FAXC: variants seen among roughly 807,000 people sequenced by gnomAD.
The protein encoded by FAXC is failed axon connections homolog.
A neutral mutation model predicts 41.9 loss-of-function variants in FAXC; 10 were observed. The observed-to-expected ratio is 0.24, with a 90% CI of 0.15 to 0.41. The LOEUF (loss-of-function observed/expected upper bound fraction) is 0.41. Ranked by LOEUF, FAXC falls within the 10% of genes least tolerant of loss-of-function variation. The pLI is 1.00. For synonymous variants in FAXC, 183 were observed against 183.8 expected (o/e 1.00, Z 0.03); for missense variants, 399 against 510.9 (o/e 0.78, Z 2.11).
chr6:99,295,989 T>C (rs140751982), intron 4 of FAXC, among the ~76,000 whole-genome samples: 1,984 of 152,254 alleles, frequency 0.013, 41 homozygotes, highest in African/African-American at 0.045. Context: ...TTCTTTGTAT[T>C]GATTAGAATT....
intron 1 of FAXC, among the ~76,000 whole-genome samples, chr6:99,344,916 T>C (rs1773541010): frequency 6.6e-6 from 1 of 152,240 alleles, no homozygotes; most frequent in Admixed American, 6.5e-5. Context: ...TGGAGGCTAA[T>C]TATCTACCAA....
intron 4 of FAXC, among the ~76,000 whole-genome samples, chr6:99,307,695 G>A (rs981648823): frequency 1.3e-5 from 2 of 152,068 alleles, no homozygotes; most frequent in African/African-American, 2.4e-5. Flanking sequence ...AGGAGAGGGC[G>A]GTTTAATGGA....
chr6:99,296,153 G>T (rs1351576158), intron 4 of FAXC, among the ~76,000 whole-genome samples: 4 of 151,906 alleles, frequency 2.6e-5, no homozygotes, highest in African/African-American at 9.7e-5. Flanking sequence ...TGGGAGCTTG[G>T]CAAAAAAAAC....
At chr6:99,339,271 C>T (rs1773330914) in intron 2 of FAXC, among the ~76,000 whole-genome samples, 1 of 152,192 alleles carries the variant, frequency 6.6e-6, no homozygotes, top group Non-Finnish European at 1.5e-5. Flanking sequence ...TAAAGGTGAA[C>T]CCCGGAGCTG....
chr6:99,289,689 A>G (rs12197081), intron 5 of FAXC, among the ~76,000 whole-genome samples: 9 of 146,590 alleles, frequency 6.1e-5, no homozygotes, highest in African/African-American at 1.0e-4. Context: ...ACATATGTAT[A>G]TGTGTGTGTG....
rs1282656125 is a variant in FAXC, at chr6:99,274,484, A to C, written c.*6680T>G. 2.0e-5 allele frequency: 3 copies of C among 152,138 alleles called. No homozygotes were observed. Among genetic ancestry groups the C allele is most frequent in the Non-Finnish European group, 4.4e-5 (3 of 68,030 alleles). 9.4% of individuals were successfully genotyped at this position (152,138 alleles called of 1,614,324 possible). On this transcript the variant is annotated 3_prime_UTR_variant, in exon 6 of 6. Coordinates refer to ENST00000389677, the MANE Select transcript of FAXC (RefSeq NM_032511.4). ...ACTCAGTTAAATTCTAATACCACCA[A>C]ATGAGGGACTCAGACCCTCAGTTTT...
At chr6:99,297,565 C>T (rs150646356) in intron 4 of FAXC, among the ~76,000 whole-genome samples, 3 of 152,222 alleles carry the variant, frequency 2.0e-5, no homozygotes, top group Non-Finnish European at 4.4e-5. Context: ...GGGTGCCATA[C>T]GCAGCATAAC....
Position 99,349,304 on chromosome 6 carries a change from G to A in FAXC, c.69C>T (p.Ile23=), listed in dbSNP as rs763389406. 8.1e-6 allele frequency: 13 copies of A among 1,613,236 alleles called. No individual in the cohort carries two copies. In the South Asian group the frequency reaches 1.3e-4, roughly 16 times the overall value. The change falls in exon 1 of 6, where the codon ATC becomes ATT. Residue 23 remains isoleucine, a synonymous_variant. Coordinates refer to ENST00000389677, the MANE Select transcript of FAXC (RefSeq NM_032511.4). ...CVVDLSWNQS[I]SFFGWWAGSE... is the part of the protein sequence containing the mutation. ...ACCCGGCCCACCAGCCGAAGAAGGAGATGCTCTGGTTCCAGCTCAGATCCA... is the reference window on the plus strand; with the variant it reads ...ACCCGGCCCACCAGCCGAAGAAGGAAATGCTCTGGTTCCAGCTCAGATCCA...
intron 5 of FAXC, among the ~76,000 whole-genome samples, chr6:99,282,714 T>A (rs1428451415): frequency 3.3e-5 from 5 of 151,984 alleles, no homozygotes; most frequent in Non-Finnish European, 4.4e-5. Context: ...TTATAGGACA[T>A]TATTACTCTA....
chr6:99,292,703 A>T (rs184243364), intron 4 of FAXC, among the ~76,000 whole-genome samples: 131 of 152,302 alleles, frequency 8.6e-4, no homozygotes, highest in African/African-American at 3.1e-3. Context: ...AAGAGTTTCT[A>T]TTTCTTTGGG....
chr6:99,324,170 A>G (rs532329502), intron 3 of FAXC, among the ~76,000 whole-genome samples: 1 of 150,842 alleles, frequency 6.6e-6, no homozygotes, highest in East Asian at 2.0e-4. Flanking sequence ...CTGTATATGC[A>G]TTTTACATTT....
At chr6:99,340,457 G>C (rs1252756425) in intron 2 of FAXC, among the ~76,000 whole-genome samples, 1 of 151,990 alleles carries the variant, frequency 6.6e-6, no homozygotes, top group Non-Finnish European at 1.5e-5. Context: ...TCAAATGTGA[G>C]AGTATAATAA....
intron 5 of FAXC, among the ~76,000 whole-genome samples, chr6:99,286,933 C>T (rs1562150054): frequency 1.3e-5 from 2 of 152,144 alleles, no homozygotes; most frequent in Admixed American, 6.6e-5. Flanking sequence ...ATTGTATAAT[C>T]TTTCTAGAAA....
intron 4 of FAXC, among the ~76,000 whole-genome samples, chr6:99,322,759 C>T (rs1772638627): frequency 6.6e-6 from 1 of 152,176 alleles, no homozygotes; most frequent in Non-Finnish European, 1.5e-5. Context: ...GCCCAGGCCC[C>T]CTCAACCGGT....
intron 4 of FAXC, among the ~76,000 whole-genome samples, chr6:99,310,164 G>C (rs1433188542): frequency 6.6e-6 from 1 of 152,224 alleles, no homozygotes; most frequent in Non-Finnish European, 1.5e-5. Flanking sequence ...GACATGGAAA[G>C]AAGGGCTGGG....
chr6:99,333,276 G>C (rs1003606955), intron 3 of FAXC, 75 bp downstream of exon 3: 82 of 1,279,108 alleles, frequency 6.4e-5, no homozygotes, highest in Non-Finnish European at 7.8e-5. Context: ...TGAAACGGTG[G>C]AAAGAGGATC....
chr6:99,348,517 T>G (rs146204199), intron 1 of FAXC, among the ~76,000 whole-genome samples: 1 of 152,144 alleles, frequency 6.6e-6, no homozygotes, highest in African/African-American at 2.4e-5. Context: ...CACACAACAA[T>G]GACATCTAAG....
intron 2 of FAXC, among the ~76,000 whole-genome samples, chr6:99,337,795 T>C (rs1773268541): frequency 1.3e-5 from 2 of 152,248 alleles, no homozygotes; most frequent in Non-Finnish European, 2.9e-5. Flanking sequence ...ATTGAGCTTT[T>C]TTTAAAAATA....
At chr6:99,283,867 C>A (rs1418381001) in intron 5 of FAXC, among the ~76,000 whole-genome samples, 1 of 152,178 alleles carries the variant, frequency 6.6e-6, no homozygotes, top group Non-Finnish European at 1.5e-5. Flanking sequence ...TCCTTACTAG[C>A]TTTTCCTACA....
Sources: gnomAD v4.1 joint callset for allele counts (sites outside exome capture counted in the v4.1 genomes callset) on GRCh38, gnomAD v4.1.1 for gene constraint, MANE v1.5 for transcripts, NCBI Gene and HGNC (gene_info 2026-07-23, HGNC 2026-07-21) for gene names.